The following CPA6 variants were observed in gnomAD, a reference collection of about 807,000 sequenced individuals.
The protein encoded by CPA6 is carboxypeptidase B.
In CPA6, 58 loss-of-function variants were observed where a neutral mutation model predicts 63.3. The ratio of observed to expected loss-of-function variants is 0.92; its 90% confidence interval spans 0.74 to 1.14. The LOEUF is 1.14. CPA6 is among the 50% of genes most tolerant of loss of function. CPA6 has a pLI of 0.00. For synonymous variants in CPA6, 185 were observed against 179.0 expected (o/e 1.03, Z -0.27); for missense variants, 565 against 526.6 (o/e 1.07, Z -0.71).
chr8:67,432,954 G>A (rs1169374761), intron 9 of CPA6, among the ~76,000 whole-genome samples: 1 of 152,224 alleles, frequency 6.6e-6, no homozygotes, highest in Non-Finnish European at 1.5e-5. Flanking sequence ...GGGCAGTCAT[G>A]TGGGACTGAG....
chr8:67,612,150 G>T (rs150317538), intron 2 of CPA6, among the ~76,000 whole-genome samples: 162 of 152,176 alleles, frequency 1.1e-3, no homozygotes, highest in Admixed American at 2.3e-3. Flanking sequence ...TATGGCCCTG[G>T]ATATGGTGGC....
rs150916080 is a variant in CPA6, at chr8:67,538,743, A to T, written c.193-20696T>A. On this transcript the variant is annotated intron_variant, in intron 2 of 10. Transcript: ENST00000297770. ...GGTGTGATCTCGGCTCACTGCAAGC[A>T]CCGCCTCTCAGGTTCATGCCATTCT... Among the ~76,000 whole-genome samples, 1,371 of 150,316 alleles carry T rather than the reference A, an allele frequency of 9.1e-3. 24 individuals are homozygous for T. Among genetic ancestry groups the T allele is most frequent in the African/African-American group, 0.032 (1,292 of 40,846 alleles).
rs533514558 is a variant in CPA6 at position 67,601,412 on chromosome 8, C to T, written c.192+22764G>A. 2.6e-5 allele frequency among the ~76,000 whole-genome samples: 4 copies of T among 152,256 alleles called. No individual in the cohort carries two copies. In the East Asian group the frequency reaches 7.7e-4, roughly 29 times the overall value. The stretch of plus-strand genomic sequence containing the variant: ...GTATTGTTCAGGTTCTTTGACAGCA[C>T]TGGAAACATTCAGTATCAAGTATTT... On this transcript the variant is annotated intron_variant, in intron 2 of 10. Coordinates refer to ENST00000297770, the MANE Select transcript of CPA6 (RefSeq NM_020361.5).
chr8:67,632,189 C>T (rs1037920562), intron 1 of CPA6, among the ~76,000 whole-genome samples: 1 of 150,534 alleles, frequency 6.6e-6, no homozygotes, highest in Non-Finnish European at 1.5e-5. Context: ...TGTGTTTTCT[C>T]AGAGACAGTC....
intron 2 of CPA6, chr8:67,569,777 G>A: frequency 5.0e-6 from 1 of 201,856 alleles, no homozygotes; most frequent in South Asian, 8.0e-5. Context: ...ATACCGACAT[G>A]GTTTTTAAGG....
chr8:67,628,882 C>T (rs1346940222), intron 1 of CPA6, among the ~76,000 whole-genome samples: 1 of 152,156 alleles, frequency 6.6e-6, no homozygotes, highest in Admixed American at 6.5e-5. Context: ...TTTGGGAGGC[C>T]GAGGCAGGTG....
At chr8:67,648,359 G>A (rs1815762507) in intron 1 of CPA6, among the ~76,000 whole-genome samples, 1 of 147,054 alleles carries the variant, frequency 6.8e-6, no homozygotes, top group East Asian at 2.0e-4. Flanking sequence ...AATCCTTTGA[G>A]GAATGAGAGA....
At chr8:67,667,618 A>G (rs946246920) in intron 1 of CPA6, among the ~76,000 whole-genome samples, 34 of 152,152 alleles carry the variant, frequency 2.2e-4, no homozygotes, top group African/African-American at 8.2e-4. Context: ...AGGTTAGGTG[A>G]CATCTGAGGG....
chr8:67,471,099 C>G (rs928592280), intron 8 of CPA6, among the ~76,000 whole-genome samples: 2 of 152,154 alleles, frequency 1.3e-5, no homozygotes, highest in African/African-American at 2.4e-5. Flanking sequence ...TTCTACTCCT[C>G]TCTCTCTTCC....
intron 2 of CPA6, among the ~76,000 whole-genome samples, chr8:67,553,331 A>C (rs144649141): frequency 6.6e-6 from 1 of 152,334 alleles, no homozygotes; most frequent in African/African-American, 2.4e-5. Context: ...GGATACAGAA[A>C]TGAACACAAT....
intron 2 of CPA6, among the ~76,000 whole-genome samples, chr8:67,609,329 T>C (rs1814743811): frequency 6.6e-6 from 1 of 152,232 alleles, no homozygotes; most frequent in Admixed American, 6.5e-5. Context: ...GATTTGATGA[T>C]GAAAAAGAGG....
chr8:67,615,043 A>G (rs1277229961), intron 2 of CPA6, among the ~76,000 whole-genome samples: 8 of 152,264 alleles, frequency 5.3e-5, no homozygotes, highest in Non-Finnish European at 1.2e-4. Flanking sequence ...TAGGTTATCG[A>G]TACTCGTTTA....
intron 1 of CPA6, among the ~76,000 whole-genome samples, chr8:67,635,671 G>A (rs1426509658): frequency 1.3e-5 from 2 of 151,624 alleles, no homozygotes; most frequent in African/African-American, 2.4e-5. Context: ...GGAGGCTGAG[G>A]CAGAAGAATC....
At chr8:67,535,198 T>A (rs1204502228) in intron 2 of CPA6, among the ~76,000 whole-genome samples, 1 of 152,222 alleles carries the variant, frequency 6.6e-6, no homozygotes, top group Admixed American at 6.5e-5. Flanking sequence ...GTAGAATGAT[T>A]TATAATCCTT....
chr8:67,461,508 A>G (rs1281441174), intron 8 of CPA6, among the ~76,000 whole-genome samples: 2 of 151,582 alleles, frequency 1.3e-5, no homozygotes, highest in African/African-American at 4.9e-5. Context: ...TCTTTTCCCC[A>G]CCTTTCCCCG....
At chr8:67,611,494 TCAC>T (rs1391465762) in intron 2 of CPA6, among the ~76,000 whole-genome samples, 2 of 152,228 alleles carry the variant, frequency 1.3e-5, no homozygotes, top group Non-Finnish European at 2.9e-5. Flanking sequence ...ATCTTGTTAA[TCAC>T]CACATCTCTG....
chr8:67,624,276 A>G (rs753244340), intron 1 of CPA6, 25 bp from the exon 2 acceptor site: 13 of 1,280,584 alleles, frequency 1.0e-5, no homozygotes, highest in Middle Eastern at 3.9e-4. Context: ...AAGAAAGATG[A>G]TAATTACTTT....
intron 1 of CPA6, among the ~76,000 whole-genome samples, chr8:67,742,297 A>T (rs956204635): frequency 2.6e-5 from 4 of 152,218 alleles, no homozygotes; most frequent in Admixed American, 2.6e-4. Flanking sequence ...TACCTATATA[A>T]TCTCTTTTCC....
At chr8:67,638,896 T>A (rs1009573559) in intron 1 of CPA6, among the ~76,000 whole-genome samples, 2 of 151,464 alleles carry the variant, frequency 1.3e-5, no homozygotes, top group Non-Finnish European at 2.9e-5. Flanking sequence ...CTGGGGGACC[T>A]TAGCCTGTGA....
Sources: gnomAD v4.1 joint callset for allele counts (sites outside exome capture counted in the v4.1 genomes callset) on GRCh38, gnomAD v4.1.1 for gene constraint, MANE v1.5 for transcripts, NCBI Gene and HGNC (gene_info 2026-07-23, HGNC 2026-07-21) for gene names.